Variants in CIMIP6 observed in about 807,000 individuals in gnomAD.
CIMIP6 encodes the protein uncharacterized protein C2orf73.
At chr2:54,362,597 G>A in the CIMIP6 span, among the ~76,000 whole-genome samples, 1 of 152,200 alleles carries the variant, frequency 6.6e-6, no homozygotes. Flanking sequence ...AGCCAGGCTG[G>A]AGTGCAGTGC....
At chr2:54,381,911 G>C in the CIMIP6 span, 1 of 1,550,578 alleles carries the variant, frequency 6.4e-7, no homozygotes, top group Non-Finnish European at 8.7e-7. Flanking sequence ...AGGAAGAAAA[G>C]GAACAGAGAG....
At chr2:54,381,679 A>G in the CIMIP6 span, among the ~76,000 whole-genome samples, 3,274 of 152,294 alleles carry the variant, frequency 0.021, 117 homozygotes, top group African/African-American at 0.073. Flanking sequence ...TTATGAGCCT[A>G]TTCAGCCTTC....
chr2:54,368,513 T>C, the CIMIP6 span, among the ~76,000 whole-genome samples: 1 of 152,264 alleles, frequency 6.6e-6, no homozygotes, highest in Admixed American at 6.5e-5. Flanking sequence ...GGTCTGGCCT[T>C]TGCTCTTGGA....
the CIMIP6 span, among the ~76,000 whole-genome samples, chr2:54,373,684 C>T: frequency 6.6e-6 from 1 of 152,148 alleles, no homozygotes; most frequent in African/African-American, 2.4e-5. Context: ...GCTGCCTATT[C>T]AATAAAGACA....
the CIMIP6 span, among the ~76,000 whole-genome samples, chr2:54,349,936 G>C: frequency 1.3e-5 from 2 of 149,150 alleles, no homozygotes; most frequent in Non-Finnish European, 3.0e-5. Context: ...TGCAACCTCT[G>C]TCTCCCGGGC....
chr2:54,343,733 CACATGGTAA>C, the CIMIP6 span: 1 of 1,593,910 alleles, frequency 6.3e-7, no homozygotes, highest in Non-Finnish European at 8.5e-7. Context: ...GACTGGTGGT[CACATGGTAA>C]AGCACTGGAA....
At chr2:54,351,980 C>T in the CIMIP6 span, among the ~76,000 whole-genome samples, 1 of 149,622 alleles carries the variant, frequency 6.7e-6, no homozygotes, top group Non-Finnish European at 1.5e-5. Flanking sequence ...AGCCCTGTTC[C>T]ACAAGAAGAA....
At chr2:54,378,271 G>C in the CIMIP6 span, among the ~76,000 whole-genome samples, 3 of 152,148 alleles carry the variant, frequency 2.0e-5, no homozygotes, top group African/African-American at 7.2e-5. Flanking sequence ...TATTCCCCTG[G>C]GTTACCAACG....
At chr2:54,334,915 C>A in the CIMIP6 span, 6 of 1,584,122 alleles carry the variant, frequency 3.8e-6, 1 homozygote, top group African/African-American at 1.3e-5. Flanking sequence ...CATTCAAAAT[C>A]ACATGTTGGA....
At chr2:54,348,429 T>G in the CIMIP6 span, among the ~76,000 whole-genome samples, 1 of 152,326 alleles carries the variant, frequency 6.6e-6, no homozygotes, top group South Asian at 2.1e-4. Flanking sequence ...TTTCTTTCTC[T>G]GTTCTTTTGT....
chr2:54,331,699 A>C, the CIMIP6 span, among the ~76,000 whole-genome samples: 1 of 152,072 alleles, frequency 6.6e-6, no homozygotes, highest in Non-Finnish European at 1.5e-5. Context: ...CAGAATCAGA[A>C]ACTCTATGGC....
chr2:54,379,151 G>A, the CIMIP6 span, among the ~76,000 whole-genome samples: 3 of 152,324 alleles, frequency 2.0e-5, no homozygotes, highest in Admixed American at 1.3e-4. Flanking sequence ...TTCATACAAG[G>A]AAATTACACT....
the CIMIP6 span, among the ~76,000 whole-genome samples, chr2:54,380,178 A>C: frequency 6.6e-6 from 1 of 151,780 alleles, no homozygotes; most frequent in African/African-American, 2.4e-5. Flanking sequence ...AAGGAAAATA[A>C]ATGTGTTCTG....
At chr2:54,344,430 T>C in the CIMIP6 span, among the ~76,000 whole-genome samples, 2 of 151,874 alleles carry the variant, frequency 1.3e-5, no homozygotes, top group African/African-American at 4.8e-5. Flanking sequence ...TATTGATAGA[T>C]AAAAGAGAAT....
chr2:54,373,143 T>C, the CIMIP6 span, among the ~76,000 whole-genome samples: 2 of 152,168 alleles, frequency 1.3e-5, no homozygotes, highest in Admixed American at 1.3e-4. Flanking sequence ...AGTATCCATC[T>C]CAGCCTTGCT....
the CIMIP6 span, chr2:54,334,674 A>T: frequency 1.7e-6 from 1 of 600,256 alleles, no homozygotes; most frequent in Admixed American, 3.4e-5. Context: ...CTAAATTTTA[A>T]CAGCACAAAC....
At chr2:54,375,426 T>C in the CIMIP6 span, among the ~76,000 whole-genome samples, 11 of 152,164 alleles carry the variant, frequency 7.2e-5, no homozygotes, top group Non-Finnish European at 1.5e-4. Context: ...ATACAAATGT[T>C]CCCCTATAGT....
At chr2:54,349,920 G>C in the CIMIP6 span, among the ~76,000 whole-genome samples, 1 of 151,744 alleles carries the variant, frequency 6.6e-6, no homozygotes. Context: ...CGTGATCTCG[G>C]CTCACTGCAA....
the CIMIP6 span, among the ~76,000 whole-genome samples, chr2:54,372,499 T>G: frequency 2.0e-5 from 3 of 152,188 alleles, no homozygotes; most frequent in Non-Finnish European, 2.9e-5. Context: ...AGCTTGTGAC[T>G]GCTTAGACCA....
Sources: gnomAD v4.1 joint callset for allele counts (sites outside exome capture counted in the v4.1 genomes callset) on GRCh38, gnomAD v4.1.1 for gene constraint, MANE v1.5 for transcripts, NCBI Gene and HGNC (gene_info 2026-07-23, HGNC 2026-07-21) for gene names.